Variants in LPA observed in about 807,000 individuals in gnomAD.
LPA encodes the protein apolipoprotein(a).
A neutral mutation model predicts 197.9 loss-of-function variants in LPA; 199 were observed. That is an observed-to-expected ratio of 1.01 (90% CI 0.90 to 1.13). The LOEUF (loss-of-function observed/expected upper bound fraction) is 1.13. Among genes scored for constraint, LPA ranks in the 50% most tolerant of loss-of-function variants. LPA has a pLI of 0.00. For missense variants in LPA, 1,853 were observed against 1,785.8 expected (o/e 1.04, Z -0.68); for synonymous variants, 715 against 639.5 (o/e 1.12, Z -1.78).
chr6:160,663,692 C>T (rs113267981), intron 1 of LPA, among the ~76,000 whole-genome samples: 8 of 152,162 alleles, frequency 5.3e-5, no homozygotes, highest in African/African-American at 1.7e-4. Context: ...CTTACTCAGG[C>T]CATAACAAAG....
intron 1 of LPA, among the ~76,000 whole-genome samples, chr6:160,653,939 TTTTATA>T (rs1780050806): frequency 2.0e-5 from 1 of 50,582 alleles, no homozygotes; most frequent in African/African-American, 7.9e-5. Flanking sequence ...TATATATATA[TTTTATA>T]TATATTATAT....
At chr6:160,571,569 T>C (rs1414217954) in intron 28 of LPA, among the ~76,000 whole-genome samples, 1 of 152,200 alleles carries the variant, frequency 6.6e-6, no homozygotes, top group Non-Finnish European at 1.5e-5. Flanking sequence ...AGAGATGCCC[T>C]GCCCAGAGAG....
At chr6:160,608,625 C>T (rs982293243) in intron 16 of LPA, among the ~76,000 whole-genome samples, 1 of 151,912 alleles carries the variant, frequency 6.6e-6, no homozygotes, top group Non-Finnish European at 1.5e-5. Context: ...CATTGAATTT[C>T]GTGTTTTTGC....
rs145652418 is a variant in LPA at position 160,559,801 on chromosome 6, A to G, written c.4632-2230T>C. On this transcript the variant is annotated intron_variant, in intron 28 of 38. Transcript: ENST00000316300. ...TCATTCTGCAGTTCTGTATCTTATTATTATTATACTTTAAGTTCTGAGATA... is the reference window on the plus strand; with the variant it reads ...TCATTCTGCAGTTCTGTATCTTATTGTTATTATACTTTAAGTTCTGAGATA... Among the ~76,000 whole-genome samples, 1,050 of 152,240 alleles carry G rather than the reference A, an allele frequency of 6.9e-3. 4 individuals carry two copies. Among genetic ancestry groups the G allele is most frequent in the Non-Finnish European group, 0.011 (779 of 68,004 alleles).
chr6:160,600,846 G>C, intron 19 of LPA, 71 bp downstream of exon 19: 1 of 1,505,966 alleles, frequency 6.6e-7, no homozygotes, highest in Non-Finnish European at 9.2e-7. Flanking sequence ...GAAGGGTTGT[G>C]CGTCAGTGGG....
intron 28 of LPA, among the ~76,000 whole-genome samples, chr6:160,564,410 A>G (rs927865946): frequency 6.6e-6 from 1 of 152,048 alleles, no homozygotes; most frequent in East Asian, 1.9e-4. Flanking sequence ...TTGGCACTGG[A>G]TGTTTCCTGC....
Position 160,595,372 on chromosome 6 carries a change from C to T in LPA, c.3451G>A (p.Glu1151Lys). 1.2e-6 allele frequency: 2 copies of T among 1,612,618 alleles called. No individual in the cohort carries two copies. The highest frequency in any genetic ancestry group is 1.7e-6 in the Non-Finnish European group (2 of 1,179,842). ...TTCCTACCTTCTTCAGAAGAAGCCT[C>T]TGTGCTTGGATCTGGGACCACCGTG... ...TLTVVPDPST[E>K]ASSEEAPTEQ... is the part of the protein sequence containing the mutation. Residue 1151 changes from glutamate to lysine, a missense_variant, in exon 21 of 39, where the codon GAG (glutamate) becomes AAG (lysine). Transcript: ENST00000316300.
intron 36 of LPA, 71 bp from the exon 37 acceptor site, chr6:160,538,032 C>T: frequency 7.4e-7 from 1 of 1,348,084 alleles, no homozygotes; most frequent in Admixed American, 1.8e-5. Context: ...ACCAGGCATC[C>T]CTGCCTTGAA....
intron 2 of LPA, 97 bp downstream of exon 2, chr6:160,650,241 G>T: frequency 7.8e-7 from 1 of 1,278,200 alleles, no homozygotes; most frequent in Non-Finnish European, 1.1e-6. Flanking sequence ...CTATGTGTGA[G>T]AAAAATTTAA....
intron 37 of LPA, 100 bp downstream of exon 37, chr6:160,537,755 A>G (rs1009426148): frequency 5.4e-6 from 6 of 1,116,466 alleles, no homozygotes; most frequent in Non-Finnish European, 8.0e-6. Context: ...GACCACATTC[A>G]TGGGTAGGAA....
At chr6:160,546,623 G>T (rs1476119480) in intron 32 of LPA, among the ~76,000 whole-genome samples, 3 of 152,122 alleles carry the variant, frequency 2.0e-5, no homozygotes, top group African/African-American at 7.2e-5. Context: ...TCTGCAGTGG[G>T]GCAGTCTTGT....
chr6:160,562,124 G>A (rs1455965192), intron 28 of LPA, among the ~76,000 whole-genome samples: 1 of 152,218 alleles, frequency 6.6e-6, no homozygotes, highest in Non-Finnish European at 1.5e-5. Flanking sequence ...AGTGGTGAGA[G>A]AGGGCATCCT....
chr6:160,584,939 T>C lies in LPA; in HGVS notation c.4289+107A>G, dbSNP rs2115038137. 2.6e-6 allele frequency: 3 copies of C among 1,164,740 alleles called. No homozygotes were observed. In the East Asian group the frequency reaches 7.0e-5, roughly 27 times the overall value. 72.2% of individuals were successfully genotyped at this position (1,164,740 alleles called of 1,614,324 possible). A position where few individuals can be genotyped will look rare whatever the true frequency, so the allele number is the denominator to read the frequency against. On this transcript the variant is annotated intron_variant, in intron 26 of 38. Coordinates refer to ENST00000316300, the MANE Select transcript of LPA (RefSeq NM_005577.4). ...TCCTGAGACATTTTGCTACAAACTC[T>C]GAGTCTATGAGAAATTTGGACCTAG...
chr6:160,565,059 G>A (rs1778427218), intron 28 of LPA, among the ~76,000 whole-genome samples: 1 of 152,226 alleles, frequency 6.6e-6, no homozygotes, highest in African/African-American at 2.4e-5. Flanking sequence ...CACAGCTCAA[G>A]GAGACCTGCC....
In LPA at chr6:160,578,584, C is replaced by T. The variant is rs369583851; in HGVS notation, c.4410G>A (p.Ser1470=). ...CCACTGTGGGAGTTGTGAGGACACT[C>T]GATTCTGTCACTGGACATCGTGTCA... ...CNLTRCPVTE[S]SVLTTPTVAP... Residue 1470 remains serine (S), a synonymous_variant, in exon 27 of 39, where the codon TCG becomes TCA. Transcript: ENST00000316300. 5.6e-6 allele frequency: 9 copies of T among 1,614,010 alleles called. No individual in the cohort carries two copies. Among genetic ancestry groups the T allele is most frequent in the Non-Finnish European group, 7.6e-6 (9 of 1,179,906 alleles).
chr6:160,538,947 T>A (rs746396161), intron 36 of LPA, among the ~76,000 whole-genome samples: 1 of 152,116 alleles, frequency 6.6e-6, no homozygotes, highest in Non-Finnish European at 1.5e-5. Flanking sequence ...ATTTGCACAT[T>A]TGCTGGGATG....
chr6:160,587,036 G>T (rs1373525880), intron 24 of LPA, among the ~76,000 whole-genome samples: 1 of 152,134 alleles, frequency 6.6e-6, no homozygotes, highest in Non-Finnish European at 1.5e-5. Context: ...CTATAAAACT[G>T]CATGATCTAT....
chr6:160,611,246 T>A (rs534817595), intron 16 of LPA, among the ~76,000 whole-genome samples: 2 of 152,120 alleles, frequency 1.3e-5, no homozygotes, highest in African/African-American at 4.8e-5. Context: ...AACTGGAAAG[T>A]CTTCATTGAC....
rs763635835 is a variant in LPA at position 160,548,640 on chromosome 6, A to C, written c.4993T>G (p.Cys1665Gly). The C allele has an allele frequency of 4.4e-5, 71 of 1,613,986 alleles. No individual in the cohort carries two copies. The highest frequency in any genetic ancestry group is 5.8e-5 in the Non-Finnish European group (69 of 1,180,002). ...YPNDGLTMNY[C>G]RNPDADTGPW... is the part of the protein sequence containing the mutation. ...CCTGTATCGGCATCTGGATTCCTGC[A>C]GTAGTTCATTGTCAGGCCACTGGAA... The change falls in exon 31 of 39, where the codon TGC becomes GGC. Residue 1665 changes from cysteine (C) to glycine (G), a missense_variant. Around this residue, in one of 3 missense-constraint regions of LPA, gnomAD observed 1,737 missense variants for 1,504.4 expected, o/e 1.15. Transcript: ENST00000316300.
Sources: allele counts gnomAD v4.1 joint callset (sites outside exome capture counted in the v4.1 genomes callset), GRCh38; gene constraint gnomAD v4.1.1; regional missense constraint gnomAD v4.1.1; transcripts MANE v1.5; gene names NCBI Gene and HGNC (gene_info 2026-07-23, HGNC 2026-07-21).